Variants in YPEL1 observed in about 807,000 individuals in gnomAD.
YPEL1 encodes protein yippee-like 1.
YPEL1 carries 7 observed loss-of-function variants against 17.3 expected under a neutral mutation model. The ratio of observed to expected loss-of-function variants is 0.40; its 90% CI spans 0.23 to 0.76. The LOEUF (loss-of-function observed/expected upper bound fraction) is 0.76. Among genes scored for constraint, YPEL1 ranks in the 30% least tolerant of loss-of-function variants. YPEL1 has a pLI of 0.35. For missense variants in YPEL1, 91 were observed against 155.5 expected (o/e 0.59, Z 2.21); for synonymous variants, 59 against 59.6 (o/e 0.99, Z 0.05).
At chr22:21,705,201 A>G (rs1249978685) in intron 2 of YPEL1, among the ~76,000 whole-genome samples, 4 of 151,932 alleles carry the variant, frequency 2.6e-5, no homozygotes, top group Non-Finnish European at 5.9e-5. Context: ...CTGGTTTCGA[A>G]CTCCTGGACT....
intron 1 of YPEL1, among the ~76,000 whole-genome samples, chr22:21,711,205 T>C (rs981220368): frequency 6.6e-6 from 1 of 152,090 alleles, no homozygotes; most frequent in African/African-American, 2.4e-5. Context: ...GTGCTGGGAT[T>C]ACAAGCACCA....
intron 1 of YPEL1, among the ~76,000 whole-genome samples, chr22:21,719,788 G>A (rs2068261986): frequency 1.3e-5 from 2 of 152,092 alleles, no homozygotes; most frequent in Non-Finnish European, 2.9e-5. Context: ...AGCACTTTGG[G>A]AGGCCCAGGC....
intron 1 of YPEL1, among the ~76,000 whole-genome samples, chr22:21,711,126 C>T (rs373678185): frequency 2.0e-5 from 3 of 151,502 alleles, no homozygotes; most frequent in East Asian, 3.9e-4. Context: ...TGGGTTCAAG[C>T]GATTCTTCTA....
chr22:21,715,763 T>TTTC (rs1254919015), intron 1 of YPEL1, among the ~76,000 whole-genome samples: 2 of 2,172 alleles, frequency 9.2e-4, no homozygotes, highest in African/African-American at 5.5e-3. Context: ...TTTCTTTTCT[T>TTTC]TTTTTTTTTT....
chr22:21,721,979 C>T (rs2068288252), intron 1 of YPEL1, among the ~76,000 whole-genome samples: 2 of 152,188 alleles, frequency 1.3e-5, no homozygotes, highest in African/African-American at 2.4e-5. Context: ...AGTGTTTGTC[C>T]ATACCTGGCT....
chr22:21,721,199 G>C (rs5999184), intron 1 of YPEL1, among the ~76,000 whole-genome samples: 123,981 of 151,828 alleles, frequency 0.82, 51,334 homozygotes, highest in Non-Finnish European at 0.89. Flanking sequence ...TCTCAGCTCA[G>C]TGCAACCTCC....
At chr22:21,712,636 G>T (rs1340358473) in intron 1 of YPEL1, among the ~76,000 whole-genome samples, 1 of 149,046 alleles carries the variant, frequency 6.7e-6, no homozygotes, top group East Asian at 2.0e-4. Flanking sequence ...CGAGGCAGCA[G>T]AATTGCTTGA....
At chr22:21,704,689 A>G (rs1202249007) in intron 2 of YPEL1, among the ~76,000 whole-genome samples, 2 of 151,868 alleles carry the variant, frequency 1.3e-5, no homozygotes, top group Non-Finnish European at 2.9e-5. Context: ...GTCATAGCAC[A>G]AGATGGCCTT....
chr22:21,713,637 TG>T (rs1569061307), intron 1 of YPEL1, among the ~76,000 whole-genome samples: 1 of 152,194 alleles, frequency 6.6e-6, no homozygotes, highest in Admixed American at 6.6e-5. Flanking sequence ...TGAAGAATTC[TG>T]GAGGTTGGAG....
chr22:21,709,589 A>C (rs966805018), intron 2 of YPEL1, among the ~76,000 whole-genome samples: 2 of 152,210 alleles, frequency 1.3e-5, no homozygotes, highest in Non-Finnish European at 2.9e-5. Context: ...CAGCCTTGGC[A>C]ACATGGTAAA....
At chr22:21,722,064 T>C (rs564969691) in intron 1 of YPEL1, among the ~76,000 whole-genome samples, 1 of 152,216 alleles carries the variant, frequency 6.6e-6, no homozygotes. Context: ...TGTCTTTTTT[T>C]AAGGCTAAAT....
rs557017730 is a variant in YPEL1 at position 21,717,152 on chromosome 22, C to T, written c.-164-6244G>A. Among the ~76,000 whole-genome samples the T allele has an allele frequency of 8.8e-3, 1,339 of 151,404 alleles. 18 individuals are homozygous for T. The highest frequency in any genetic ancestry group is 0.03 in the African/African-American group (1,241 of 41,302). On this transcript the variant is annotated intron_variant, in intron 1 of 4. Transcript: ENST00000339468. ...AGGCCGGGGCTGGGGGGGCGGGGGG[C>T]GGATCACAAGGTCAGGAGTTCGAGA...
At chr22:21,726,596 G>A (rs928794958) in intron 1 of YPEL1, among the ~76,000 whole-genome samples, 3 of 152,138 alleles carry the variant, frequency 2.0e-5, no homozygotes, top group African/African-American at 7.2e-5. Flanking sequence ...AGGAGGAAGC[G>A]GTGCGTCCCC....
At chr22:21,733,924 T>C (rs1293877374) in intron 1 of YPEL1, among the ~76,000 whole-genome samples, 5 of 151,832 alleles carry the variant, frequency 3.3e-5, no homozygotes, top group Admixed American at 1.3e-4. Context: ...CTAAAGAAAA[T>C]AGCTTTATGG....
chr22:21,702,500 T>G (rs1161883225), intron 4 of YPEL1, among the ~76,000 whole-genome samples: 1 of 152,030 alleles, frequency 6.6e-6, no homozygotes, highest in Non-Finnish European at 1.5e-5. Context: ...TGGGAAAGCC[T>G]CCTTCAACAA....
chr22:21,716,741 G>A (rs1340762937), intron 1 of YPEL1, among the ~76,000 whole-genome samples: 1 of 152,242 alleles, frequency 6.6e-6, no homozygotes, highest in Non-Finnish European at 1.5e-5. Flanking sequence ...AATGAGTAAT[G>A]CAGTCAAAAG....
intron 4 of YPEL1, among the ~76,000 whole-genome samples, chr22:21,701,651 T>C (rs2068067353): frequency 6.6e-6 from 1 of 152,158 alleles, no homozygotes; most frequent in African/African-American, 2.4e-5. Flanking sequence ...TACTGAACAT[T>C]TACTACATGT....
Position 21,697,786 on chromosome 22 carries a change from G to A in YPEL1, c.*3343C>T, listed in dbSNP as rs1286195758. 6.6e-6 allele frequency: 1 copy of A among 152,280 alleles called. No homozygotes were observed. The highest frequency in any genetic ancestry group is 2.4e-5 in the African/African-American group (1 of 41,436). 9.4% of individuals were successfully genotyped at this position (152,280 alleles called of 1,614,324 possible). Reference sequence around the variant, plus strand: ...CCACCAAGGACCTTTGGCAAATGAAGGTTTACATTTCTGTAGTTTGTTTGT... The same window carrying A: ...CCACCAAGGACCTTTGGCAAATGAAAGTTTACATTTCTGTAGTTTGTTTGT... On this transcript the variant is annotated 3_prime_UTR_variant, in exon 5 of 5. Coordinates refer to ENST00000339468, the MANE Select transcript of YPEL1 (RefSeq NM_013313.5).
At chr22:21,716,436 G>A (rs999517358) in intron 1 of YPEL1, among the ~76,000 whole-genome samples, 8 of 152,256 alleles carry the variant, frequency 5.3e-5, no homozygotes, top group Admixed American at 3.9e-4. Flanking sequence ...GAGCCAAGCC[G>A]CTCTTGCCCT....
Sources: allele counts gnomAD v4.1 joint callset (sites outside exome capture counted in the v4.1 genomes callset), GRCh38; gene constraint gnomAD v4.1.1; transcripts MANE v1.5; gene names NCBI Gene and HGNC (gene_info 2026-07-23, HGNC 2026-07-21).